Variants in RHOU observed in about 807,000 individuals in gnomAD.
RHOU encodes rho-related GTP-binding protein RhoU.
A neutral mutation model predicts 12.6 loss-of-function variants in RHOU; 8 were observed. The ratio of observed to expected loss-of-function variants is 0.64; its 90% confidence interval spans 0.37 to 1.15. RHOU has a LOEUF of 1.15. Ranked by LOEUF, RHOU falls within the 50% of genes most tolerant of loss-of-function variation. The pLI is 0.01. For synonymous variants in RHOU, 161 were observed against 147.4 expected (o/e 1.09, Z -0.67); for missense variants, 258 against 347.0 (o/e 0.74, Z 2.04).
chr1:228,674,824 G>C, the RHOU span, among the ~76,000 whole-genome samples: 1 of 151,732 alleles, frequency 6.6e-6, no homozygotes, highest in African/African-American at 2.4e-5. Flanking sequence ...TCCGCCTCTC[G>C]GGTTCACGCC....
chr1:228,671,245 T>A, the RHOU span, among the ~76,000 whole-genome samples: 1 of 152,140 alleles, frequency 6.6e-6, no homozygotes, highest in Non-Finnish European at 1.5e-5. Flanking sequence ...CCTCAGGTGA[T>A]CCACTCGCCT....
chr1:228,713,212 A>G, the RHOU span, among the ~76,000 whole-genome samples: 1 of 152,162 alleles, frequency 6.6e-6, no homozygotes, highest in Non-Finnish European at 1.5e-5. Context: ...ATGCAGGATT[A>G]GAGAGTTGGG....
At chr1:228,698,647 C>A in the RHOU span, among the ~76,000 whole-genome samples, 2 of 152,212 alleles carry the variant, frequency 1.3e-5, no homozygotes, top group African/African-American at 4.8e-5. Flanking sequence ...AAAGACCTAA[C>A]AAATCATGCC....
At chr1:228,680,376 C>A in the RHOU span, among the ~76,000 whole-genome samples, 2 of 152,138 alleles carry the variant, frequency 1.3e-5, no homozygotes, top group African/African-American at 4.8e-5. Flanking sequence ...TTCTGAGGCC[C>A]AGTGGCCAGG....
the RHOU span, among the ~76,000 whole-genome samples, chr1:228,721,845 G>A: frequency 6.6e-6 from 1 of 152,238 alleles, no homozygotes; most frequent in South Asian, 2.1e-4. Context: ...GTAGAGATGG[G>A]GCTTCACCAT....
At chr1:228,731,173 C>T (rs1662488858), upstream of RHOU, among the ~76,000 whole-genome samples, 1 of 151,958 alleles carries the variant, frequency 6.6e-6, no homozygotes, top group African/African-American at 2.4e-5. Flanking sequence ...GGATTATGAG[C>T]AAGGGTAGGT....
At chr1:228,682,650 C>T in the RHOU span, among the ~76,000 whole-genome samples, 11 of 151,948 alleles carry the variant, frequency 7.2e-5, no homozygotes, top group Admixed American at 3.9e-4. Flanking sequence ...TTACAAAGTA[C>T]GTTGATCAGT....
At chr1:228,646,830 A>T in the RHOU span, among the ~76,000 whole-genome samples, 7 of 151,994 alleles carry the variant, frequency 4.6e-5, no homozygotes, top group Non-Finnish European at 7.4e-5. Flanking sequence ...TGAAACACAG[A>T]CACACACGGC....
At chr1:228,710,968 G>A in the RHOU span, among the ~76,000 whole-genome samples, 3 of 151,590 alleles carry the variant, frequency 2.0e-5, no homozygotes, top group African/African-American at 7.3e-5. Context: ...CAAAGTCTCA[G>A]GATACAAAAT....
chr1:228,672,164 T>C, the RHOU span, among the ~76,000 whole-genome samples: 1 of 152,240 alleles, frequency 6.6e-6, no homozygotes, highest in Non-Finnish European at 1.5e-5. Flanking sequence ...TTTTCATATA[T>C]ATACACACAT....
chr1:228,714,941 A>G, the RHOU span, among the ~76,000 whole-genome samples: 9 of 151,582 alleles, frequency 5.9e-5, no homozygotes, highest in Admixed American at 4.6e-4. Context: ...ACGGGATTTC[A>G]CTATGTTGGC....
chr1:228,675,535 C>G, the RHOU span, among the ~76,000 whole-genome samples: 1 of 152,314 alleles, frequency 6.6e-6, no homozygotes, highest in Non-Finnish European at 1.5e-5. Context: ...ACCGCTCCAT[C>G]TGTTGCATTT....
At chr1:228,736,119 C>G in intron 1 of RHOU, 115 bp downstream of exon 1, 1 of 1,074,828 alleles carries the variant, frequency 9.3e-7, no homozygotes, top group African/African-American at 1.7e-5. Context: ...CCGGGCGCGG[C>G]TCCAGCTGGG....
At chr1:228,728,491 C>T in the RHOU span, among the ~76,000 whole-genome samples, 1 of 152,122 alleles carries the variant, frequency 6.6e-6, no homozygotes, top group Non-Finnish European at 1.5e-5. Flanking sequence ...CTTCATGTTC[C>T]TGGAAAAGCT....
At chr1:228,663,760 G>A in the RHOU span, among the ~76,000 whole-genome samples, 2 of 147,562 alleles carry the variant, frequency 1.4e-5, no homozygotes, top group Admixed American at 6.8e-5. Flanking sequence ...AGCCTCCCAC[G>A]TAGCTGGGAT....
chr1:228,735,826 C>T lies in RHOU; in HGVS notation c.84C>T (p.Arg28=). 1.4e-5 allele frequency: 17 copies of T among 1,225,594 alleles called. No individual in the cohort carries two copies. Among genetic ancestry groups the T allele is most frequent in the Non-Finnish European group, 1.7e-5 (17 of 984,022 alleles). 75.9% of individuals were successfully genotyped at this position (1,225,594 alleles called of 1,614,324 possible). A position where few individuals can be genotyped will look rare whatever the true frequency, so the allele number is the denominator to read the frequency against. ...PVPPRRERGG[R]GGRGPGEPGG... Reference sequence around the variant, plus strand: ...CGCCGCGTCGGGAGCGCGGTGGACGCGGGGGACGCGGGCCTGGGGAGCCGG... The same window carrying T: ...CGCCGCGTCGGGAGCGCGGTGGACGTGGGGGACGCGGGCCTGGGGAGCCGG... Residue 28 remains arginine, a synonymous_variant, in exon 1 of 3, where the codon CGC becomes CGT. Transcript: ENST00000366691. The surrounding 1 kb of genome is among the most constrained non-coding windows in gnomAD (Gnocchi z 8.1).
chr1:228,702,429 G>A, the RHOU span, among the ~76,000 whole-genome samples: 1 of 152,118 alleles, frequency 6.6e-6, no homozygotes, highest in Non-Finnish European at 1.5e-5. Flanking sequence ...ATGGCCAGGA[G>A]GCAAAGCTGG....
chr1:228,688,637 G>T, the RHOU span, among the ~76,000 whole-genome samples: 1 of 152,172 alleles, frequency 6.6e-6, no homozygotes, highest in Non-Finnish European at 1.5e-5. Context: ...TCATGAATTA[G>T]TTCTGCTGAG....
At chr1:228,704,725 T>G in the RHOU span, among the ~76,000 whole-genome samples, 1 of 152,074 alleles carries the variant, frequency 6.6e-6, no homozygotes, top group Non-Finnish European at 1.5e-5. Context: ...CCCAGAGTGC[T>G]AGGATAACAG....
Sources: gnomAD v4.1 joint callset for allele counts (sites outside exome capture counted in the v4.1 genomes callset) on GRCh38, gnomAD v4.1.1 for gene constraint, Gnocchi (gnomAD v3.1) non-coding constraint, MANE v1.5 for transcripts, NCBI Gene and HGNC (gene_info 2026-07-23, HGNC 2026-07-21) for gene names.